The following KIRREL3 variants were observed in gnomAD, a reference collection of about 807,000 sequenced individuals.
KIRREL3 encodes the protein kin of IRRE-like protein 3.
A neutral mutation model predicts 89.7 loss-of-function variants in KIRREL3; 36 were observed. The observed-to-expected ratio is 0.40, with a 90% CI of 0.31 to 0.53. The LOEUF (loss-of-function observed/expected upper bound fraction) is 0.53. KIRREL3 is among the 20% of genes least tolerant of loss of function. KIRREL3 has a pLI of 0.49. For missense variants in KIRREL3, 864 were observed against 1,056.6 expected, an observed-to-expected ratio of 0.82 and a Z score of 2.53; for synonymous variants, 445 against 441.4, an observed-to-expected ratio of 1.01 and a Z score of -0.10.
intron 4 of KIRREL3, among the ~76,000 whole-genome samples, chr11:126,480,411 C>T (rs1317497030): frequency 6.6e-6 from 1 of 152,156 alleles, no homozygotes; most frequent in Non-Finnish European, 1.5e-5. Context: ...ATTTTATTCT[C>T]AATATCTTTT....
At chr11:126,604,684 G>C (rs1329975106) in intron 1 of KIRREL3, among the ~76,000 whole-genome samples, 1 of 152,198 alleles carries the variant, frequency 6.6e-6, no homozygotes, top group African/African-American at 2.4e-5. Context: ...GAGCCATGGT[G>C]CACACAGCAG....
chr11:126,724,218 G>C lies in KIRREL3; in HGVS notation c.56-161306C>G, dbSNP rs561757577. 2.6e-5 allele frequency among the ~76,000 whole-genome samples: 4 copies of C among 152,166 alleles called. No individual in the cohort carries two copies. The South Asian group carries it at 8.3e-4, about 32-fold the overall frequency. ...TCAGAGGCAGGTTGCTTCTGCCACG[G>C]CAAGGAGAAGATCACTTTCTGTGTA... On this transcript the variant is annotated intron_variant, in intron 1 of 16. Coordinates refer to ENST00000525144, the MANE Select transcript of KIRREL3 (RefSeq NM_032531.4). This position sits in a 1 kb window ranked among gnomAD's most constrained non-coding sequence, Gnocchi z 4.3.
rs1274360356 is a variant in KIRREL3 at position 126,605,890 on chromosome 11, AGAAGGG to A, written c.56-42984_56-42979del. ...GGATCAAATTAGAGGCACAAAGGGC[AGAAGGG>A]AACCTTGGAGGTTCCTCCTGTTCAT... On this transcript the variant is annotated intron_variant, in intron 1 of 16. Coordinates refer to ENST00000525144, the MANE Select transcript of KIRREL3 (RefSeq NM_032531.4). The surrounding 1 kb of genome is among the most constrained non-coding windows in gnomAD (Gnocchi z 5.7). Among the ~76,000 whole-genome samples, 5 of 152,228 alleles carry A rather than the reference AGAAGGG, an allele frequency of 3.3e-5. No homozygotes were observed. Among genetic ancestry groups the A allele is most frequent in the Admixed American group, 3.3e-4 (5 of 15,284 alleles).
chr11:126,913,814 G>A (rs1035377162), intron 1 of KIRREL3, among the ~76,000 whole-genome samples: 1 of 152,180 alleles, frequency 6.6e-6, no homozygotes, highest in African/African-American at 2.4e-5. Flanking sequence ...GCCTGGCAGA[G>A]TAGAGTGCAG....
At chr11:126,450,862 TGTGTGTGCATGTGTGC>T (rs1206311164) in intron 7 of KIRREL3, among the ~76,000 whole-genome samples, 1 of 149,832 alleles carries the variant, frequency 6.7e-6, no homozygotes, top group Non-Finnish European at 1.5e-5. Context: ...CATGTGCACG[TGTGTGTGCATGTGTGC>T]ATGTGTGCAT....
chr11:126,910,911 C>T (rs769465387), intron 1 of KIRREL3, among the ~76,000 whole-genome samples: 2 of 152,226 alleles, frequency 1.3e-5, no homozygotes, highest in African/African-American at 4.8e-5. Flanking sequence ...CTGGACTAGA[C>T]CCCTGGGCTT....
chr11:126,604,552 G>A (rs1235013857), intron 1 of KIRREL3, among the ~76,000 whole-genome samples: 1 of 152,222 alleles, frequency 6.6e-6, no homozygotes, highest in Non-Finnish European at 1.5e-5. Context: ...TGTTAGTACA[G>A]TCCTTCTTGG....
rs967939379 is a variant in KIRREL3 at position 126,924,410 on chromosome 11, T to C, written c.55+76045A>G. Among the ~76,000 whole-genome samples the C allele has an allele frequency of 1.3e-5, 2 of 152,184 alleles. No homozygotes were observed. The highest frequency in any genetic ancestry group is 4.8e-5 in the African/African-American group (2 of 41,440). On this transcript the variant is annotated intron_variant, in intron 1 of 16. Transcript: ENST00000525144. This position sits in a 1 kb window ranked among gnomAD's most constrained non-coding sequence, Gnocchi z 4.7. ...GGTCCTTATAAGTACTCAAAAAATA[T>C]GTGTTCAATGAAAAAATAATTGGGA...
rs1950029603 is a variant in KIRREL3, at chr11:126,991,359, T to G, written c.55+9096A>C. Reference sequence around the variant, plus strand: ...TTCCATTCCAATATTTCCACACTTATTCACAGCCTTCTATGTGCCCAATAG... The same window carrying G: ...TTCCATTCCAATATTTCCACACTTAGTCACAGCCTTCTATGTGCCCAATAG... On this transcript the variant is annotated intron_variant, in intron 1 of 16. Transcript: ENST00000525144. The surrounding 1 kb of genome is among the most constrained non-coding windows in gnomAD (Gnocchi z 5.8). Among the ~76,000 whole-genome samples, 1 of 152,160 alleles carries G rather than the reference T, an allele frequency of 6.6e-6. No individual in the cohort carries two copies. Among genetic ancestry groups the G allele is most frequent in the Non-Finnish European group, 1.5e-5 (1 of 68,026 alleles).
chr11:126,504,387 A>G (rs764895520), intron 4 of KIRREL3, among the ~76,000 whole-genome samples: 1 of 152,168 alleles, frequency 6.6e-6, no homozygotes, highest in Non-Finnish European at 1.5e-5. Context: ...GAACCCTTCC[A>G]TGAGTGATTT....
At chr11:126,545,787 A>T (rs568862407) in intron 2 of KIRREL3, among the ~76,000 whole-genome samples, 30 of 152,288 alleles carry the variant, frequency 2.0e-4, no homozygotes, top group African/African-American at 6.7e-4. Flanking sequence ...TCTGGAGGGC[A>T]TTGGTGGTAG....
Position 126,561,993 on chromosome 11 carries a change from A to G in KIRREL3, c.133+842T>C, listed in dbSNP as rs1443626420. ...GGAGACATGGGCCCTGGGCCCTGGA[A>G]GGGGAGGGGTCCAGCCCATGGCAAG... On this transcript the variant is annotated intron_variant, in intron 2 of 16. Coordinates refer to ENST00000525144, the MANE Select transcript of KIRREL3 (RefSeq NM_032531.4). The surrounding 1 kb of genome is among the most constrained non-coding windows in gnomAD (Gnocchi z 4.5). Among the ~76,000 whole-genome samples, 3 of 152,178 alleles carry G rather than the reference A, an allele frequency of 2.0e-5. No individual in the cohort carries two copies. Among genetic ancestry groups the G allele is most frequent in the African/African-American group, 7.2e-5 (3 of 41,440 alleles).
chr11:126,672,214 C>T lies in KIRREL3; in HGVS notation c.56-109302G>A, dbSNP rs1386238062. Among the ~76,000 whole-genome samples, 3 of 152,212 alleles carry T rather than the reference C, an allele frequency of 2.0e-5. No individual in the cohort carries two copies. In the East Asian group the frequency reaches 5.8e-4, roughly 29 times the overall value. ...TAAAGACTTGAACAGTAGCTGGAAA[C>T]ATAAAAGTTCAGATTATTGGCTCAG... On this transcript the variant is annotated intron_variant, in intron 1 of 16. Coordinates refer to ENST00000525144, the MANE Select transcript of KIRREL3 (RefSeq NM_032531.4).
chr11:126,713,980 A>G (rs1947859559), intron 1 of KIRREL3, among the ~76,000 whole-genome samples: 1 of 152,074 alleles, frequency 6.6e-6, no homozygotes, highest in African/African-American at 2.4e-5. Context: ...TGTTTTTGTA[A>G]AGGAGGTTTT....
rs1207227248 is a variant in KIRREL3, at chr11:126,579,193, G to A, written c.56-16281C>T. On this transcript the variant is annotated intron_variant, in intron 1 of 16. Transcript: ENST00000525144. The surrounding 1 kb of genome is among the most constrained non-coding windows in gnomAD (Gnocchi z 5.3). ...GAACGGGTCGTCTAAAACAGATGAC[G>A]CTGGTGCGGGCCCCAGGGAGTTCCA... is the stretch of plus-strand genomic sequence containing the variant. Among the ~76,000 whole-genome samples the A allele has an allele frequency of 6.6e-6, 1 of 152,156 alleles. No homozygotes were observed. Among genetic ancestry groups the A allele is most frequent in the Non-Finnish European group, 1.5e-5 (1 of 68,036 alleles).
rs1229659477 is a variant in KIRREL3 at position 126,788,725 on chromosome 11, T to C, written c.55+211730A>G. 1.3e-5 allele frequency among the ~76,000 whole-genome samples: 2 copies of C among 152,156 alleles called. No homozygotes were observed. Among genetic ancestry groups the C allele is most frequent in the African/African-American group, 4.8e-5 (2 of 41,436 alleles). On this transcript the variant is annotated intron_variant, in intron 1 of 16. Coordinates refer to ENST00000525144, the MANE Select transcript of KIRREL3 (RefSeq NM_032531.4). The surrounding 1 kb of genome is among the most constrained non-coding windows in gnomAD (Gnocchi z 4.1). ...CTACAATTGCTATCAAAGGAACTGA[T>C]TGTTTTGATCTGGAAGCCGTCAGAG...
At chr11:126,847,152 C>CT (rs962206053) in intron 1 of KIRREL3, among the ~76,000 whole-genome samples, 15 of 152,162 alleles carry the variant, frequency 9.9e-5, no homozygotes, top group South Asian at 2.1e-4. Context: ...TGAAATTTGG[C>CT]TTTTTTGGTA....
chr11:126,972,950 C>G (rs1020429596), intron 1 of KIRREL3, among the ~76,000 whole-genome samples: 3 of 152,002 alleles, frequency 2.0e-5, no homozygotes, highest in African/African-American at 7.2e-5. Context: ...AGTTGATAGC[C>G]TTAAATTCTA....
intron 1 of KIRREL3, among the ~76,000 whole-genome samples, chr11:126,765,895 AC>A (rs1027846686): frequency 1.6e-4 from 25 of 152,100 alleles, no homozygotes; most frequent in African/African-American, 6.0e-4. Flanking sequence ...CCAATTTGCT[AC>A]CTGGGCAAGG....
Sources: allele counts gnomAD v4.1 joint callset (sites outside exome capture counted in the v4.1 genomes callset), GRCh38; gene constraint gnomAD v4.1.1; non-coding constraint Gnocchi (gnomAD v3.1); transcripts MANE v1.5; gene names NCBI Gene and HGNC (gene_info 2026-07-23, HGNC 2026-07-21).